The following STK3 variants were observed in gnomAD, a reference collection of about 807,000 sequenced individuals.
STK3 encodes serine/threonine-protein kinase 3.
STK3 carries 41 observed loss-of-function variants against 58.0 expected under a neutral mutation model. The ratio of observed to expected loss-of-function variants is 0.71; its 90% CI spans 0.55 to 0.92. The LOEUF is 0.92. Ranked by LOEUF, STK3 falls within the 40% of genes least tolerant of loss-of-function variation. The pLI, the probability that STK3 is intolerant of heterozygous loss-of-function variation, is 0.00. For missense variants in STK3, 479 were observed against 602.7 expected (o/e 0.79, Z 2.15); for synonymous variants, 170 against 191.0 (o/e 0.89, Z 0.91).
intron 3 of STK3, among the ~76,000 whole-genome samples, chr8:98,751,372 A>G (rs1230032115): frequency 1.3e-5 from 2 of 152,218 alleles, no homozygotes; most frequent in East Asian, 3.8e-4. Context: ...CCTCAGCCCA[A>G]AAGCTTCTCA....
intron 1 of STK3, among the ~76,000 whole-genome samples, chr8:98,778,604 A>T (rs1488143665): frequency 6.6e-6 from 1 of 152,182 alleles, no homozygotes; most frequent in East Asian, 1.9e-4. Flanking sequence ...GGCACTATTC[A>T]CAATAGCAAA....
chr8:98,588,175 T>C (rs535359781), intron 7 of STK3, among the ~76,000 whole-genome samples: 1 of 152,150 alleles, frequency 6.6e-6, no homozygotes, highest in South Asian at 2.1e-4. Context: ...CGTTAGTTGA[T>C]GCAGTTTCTT....
intron 4 of STK3, among the ~76,000 whole-genome samples, chr8:98,712,282 A>G (rs1221950398): frequency 6.6e-6 from 1 of 152,198 alleles, no homozygotes; most frequent in Non-Finnish European, 1.5e-5. Context: ...ACACATAACA[A>G]TATTAACCTT....
chr8:98,825,798 GCCCC>G (rs1564039736), upstream of STK3: 8 of 67,672 alleles, frequency 1.2e-4, no homozygotes, highest in African/African-American at 4.0e-4. Context: ...GCCCCCGGCC[GCCCC>G]GCCCCGCCCC....
intron 10 of STK3, among the ~76,000 whole-genome samples, chr8:98,487,973 A>G (rs1165966779): frequency 6.6e-6 from 1 of 152,256 alleles, no homozygotes; most frequent in Non-Finnish European, 1.5e-5. Flanking sequence ...ATGGCCAATA[A>G]CTATGATCAA....
At chr8:98,669,945 T>A (rs1349276631) in intron 6 of STK3, among the ~76,000 whole-genome samples, 1 of 152,204 alleles carries the variant, frequency 6.6e-6, no homozygotes, top group African/African-American at 2.4e-5. Context: ...GCTGCTAGCA[T>A]TCTTCCACCA....
intron 10 of STK3, among the ~76,000 whole-genome samples, chr8:98,477,366 A>C (rs1462444660): frequency 1.3e-5 from 2 of 151,968 alleles, no homozygotes; most frequent in African/African-American, 4.8e-5. Flanking sequence ...GCCTAGCTGA[A>C]ATACCCCAAA....
At chr8:98,928,595 T>G (rs890888575) in intron 1 of STK3, among the ~76,000 whole-genome samples, 2 of 152,250 alleles carry the variant, frequency 1.3e-5, no homozygotes, top group Non-Finnish European at 2.9e-5. Flanking sequence ...TGAGCCTTTG[T>G]GTGGCTTGGC....
At chr8:98,601,488 T>A (rs1816342304) in intron 6 of STK3, 1 of 152,216 alleles carries the variant, frequency 6.6e-6, no homozygotes, top group African/African-American at 2.4e-5. Context: ...AGAAGTCCTA[T>A]GATCAGTTCA....
chr8:98,709,506 A>C (rs1247918715), intron 4 of STK3, among the ~76,000 whole-genome samples: 1 of 152,238 alleles, frequency 6.6e-6, no homozygotes, highest in Non-Finnish European at 1.5e-5. Context: ...AAAACAACTA[A>C]GACCAATATC....
intron 10 of STK3, among the ~76,000 whole-genome samples, chr8:98,504,026 T>G (rs1586726556): frequency 6.6e-6 from 1 of 152,186 alleles, no homozygotes; most frequent in Non-Finnish European, 1.5e-5. Flanking sequence ...AGTCTAAGTC[T>G]CTTTGTAGGT....
intron 6 of STK3, among the ~76,000 whole-genome samples, chr8:98,693,014 A>T (rs1824524782): frequency 6.6e-6 from 1 of 152,204 alleles, no homozygotes; most frequent in South Asian, 2.1e-4. Context: ...GCAGAAGATC[A>T]TCCTGGATCA....
At chr8:98,922,060 A>T (rs1483348665) in intron 1 of STK3, among the ~76,000 whole-genome samples, 1 of 152,134 alleles carries the variant, frequency 6.6e-6, no homozygotes, top group African/African-American at 2.4e-5. Context: ...CCTTGCAGCT[A>T]GGGGTAGCCA....
At chr8:98,777,780 AG>A (rs1831800541) in intron 1 of STK3, among the ~76,000 whole-genome samples, 1 of 152,230 alleles carries the variant, frequency 6.6e-6, no homozygotes, top group Non-Finnish European at 1.5e-5. Context: ...CAATGGGGAA[AG>A]GATTCCCTAT....
chr8:98,884,095 C>T (rs970151674), intron 1 of STK3, among the ~76,000 whole-genome samples: 6 of 152,140 alleles, frequency 3.9e-5, no homozygotes, highest in Non-Finnish European at 7.3e-5. Context: ...TAAGGAATGA[C>T]GTCACTGAGC....
At chr8:98,528,450 T>C (rs973854456) in intron 9 of STK3, among the ~76,000 whole-genome samples, 1 of 152,156 alleles carries the variant, frequency 6.6e-6, no homozygotes, top group Non-Finnish European at 1.5e-5. Flanking sequence ...GCATTTCCCA[T>C]ATAATTCTCC....
chr8:98,801,650 C>A (rs1041562852), intron 1 of STK3, among the ~76,000 whole-genome samples: 1 of 152,120 alleles, frequency 6.6e-6, no homozygotes, highest in Non-Finnish European at 1.5e-5. Flanking sequence ...GGAAGAAACT[C>A]CAAACGTGTC....
In STK3 at chr8:98,872,374, G is replaced by A. The variant is rs150791176; in HGVS notation, c.110+11273C>T. Among the ~76,000 whole-genome samples the A allele has an allele frequency of 7.9e-3, 1,207 of 152,276 alleles. 9 individuals carry two copies. Among genetic ancestry groups the A allele is most frequent in the African/African-American group, 0.02 (851 of 41,554 alleles). The stretch of plus-strand genomic sequence containing the variant: ...TGGCCTCATAAAATGAATTAGGGAG[G>A]ATTCACTCTTGTTCTATTGATTGGA... On this transcript the variant is annotated intron_variant, in intron 3 of 12. Coordinates refer to the STK3 transcript ENST00000523601.
the STK3 span, among the ~76,000 whole-genome samples, chr8:98,360,146 C>A: frequency 6.6e-6 from 1 of 152,174 alleles, no homozygotes; most frequent in African/African-American, 2.4e-5. Flanking sequence ...TTTGCAAATA[C>A]CTGGGGGTTC....
Sources: allele counts gnomAD v4.1 joint callset (sites outside exome capture counted in the v4.1 genomes callset), GRCh38; gene constraint gnomAD v4.1.1; transcripts MANE v1.5; gene names NCBI Gene and HGNC (gene_info 2026-07-23, HGNC 2026-07-21).